The following NOX5 variants were observed in gnomAD, a reference collection of about 807,000 sequenced individuals.
NOX5 encodes NADPH oxidase, EF-hand calcium binding domain 5.
Under a neutral mutation model 85.7 loss-of-function variants are expected in NOX5, and 76 were observed. The ratio of observed to expected loss-of-function variants is 0.89; its 90% CI spans 0.74 to 1.07. The LOEUF is 1.07. Among genes scored for constraint, NOX5 ranks in the 50% least tolerant of loss-of-function variants. The pLI, the probability that NOX5 is intolerant of heterozygous loss-of-function variation, is 0.00. For missense variants in NOX5, 973 were observed against 999.5 expected, an observed-to-expected ratio of 0.97 and a Z score of 0.36; for synonymous variants, 405 against 401.4, an observed-to-expected ratio of 1.01 and a Z score of -0.11.
At chr15:69,030,972 C>T (rs2050421201) in intron 3 of NOX5, 3 of 153,170 alleles carry the variant, frequency 2.0e-5, no homozygotes, top group East Asian at 3.8e-4. Flanking sequence ...AATCATTAAT[C>T]ACGGGCTCTG....
intron 9 of NOX5, among the ~76,000 whole-genome samples, chr15:69,039,421 G>A (rs1192430675): frequency 2.0e-5 from 3 of 151,988 alleles, no homozygotes; most frequent in Admixed American, 2.0e-4. Flanking sequence ...AAGAAGGGAG[G>A]GACATACAGA....
chr15:69,052,694 A>G (rs550019996), intron 14 of NOX5, among the ~76,000 whole-genome samples: 1 of 152,348 alleles, frequency 6.6e-6, no homozygotes, highest in South Asian at 2.1e-4. Flanking sequence ...GTTTACTATA[A>G]CAAACATTCA....
chr15:69,025,140 T>C (rs1289520641), intron 1 of NOX5, among the ~76,000 whole-genome samples: 2 of 152,224 alleles, frequency 1.3e-5, no homozygotes, highest in African/African-American at 2.4e-5. Context: ...AATATTTTTG[T>C]CAAACGATCA....
chr15:69,037,036 T>C lies in NOX5; in HGVS notation c.1197T>C (p.Tyr399=), dbSNP rs1464518859. The C allele has an allele frequency of 3.1e-6, 5 of 1,608,108 alleles. No homozygotes were observed. Among genetic ancestry groups the C allele is most frequent in the Non-Finnish European group, 4.2e-6 (5 of 1,176,518 alleles). The change falls in exon 8 of 16, where the codon TAT becomes TAC. Residue 399 remains tyrosine (Y), a synonymous_variant. Coordinates refer to ENST00000388866, the MANE Select transcript of NOX5 (RefSeq NM_024505.4). ...CCCCCCTACCCCCATAGGTGTTCTA[T>C]TGGACTCACCTGTCCTACCTCCTCG... The part of the protein sequence containing the change: ...IRRSGHFEVF[Y]WTHLSYLLVW...
chr15:69,027,503 T>G (rs1428194613), intron 2 of NOX5, among the ~76,000 whole-genome samples: 1 of 152,074 alleles, frequency 6.6e-6, no homozygotes, highest in Non-Finnish European at 1.5e-5. Flanking sequence ...CCTCATAGTT[T>G]TATTAAGTCA....
In NOX5 at chr15:69,047,845, G is replaced by A. The variant is rs775063211; in HGVS notation, c.1833G>A (p.Lys611=). The A allele has an allele frequency of 2.5e-6, 4 of 1,614,044 alleles. No individual in the cohort carries two copies. Among genetic ancestry groups the A allele is most frequent in the Middle Eastern group, 1.7e-4 (1 of 6,060 alleles). ...CTCCCCTCAGGCACCAGAAAAGAAA[G>A]CATACTTGCCCCAGCTGCCAGCACT... ...QSIMYRHQKR[K]HTCPSCQHSW... is the part of the protein sequence containing the mutation. The change falls in exon 13 of 16, where the codon AAG becomes AAA. Residue 611 remains lysine (K), a synonymous_variant. Coordinates refer to ENST00000388866, the MANE Select transcript of NOX5 (RefSeq NM_024505.4).
chr15:69,053,020 T>G (rs537017004), intron 14 of NOX5, among the ~76,000 whole-genome samples: 4 of 152,366 alleles, frequency 2.6e-5, no homozygotes, highest in African/African-American at 9.6e-5. Context: ...TCAAAGCCAC[T>G]CGAGTCAACA....
At position 69,060,919 on chromosome 15, in the gene NOX5, C is replaced by G. The variant is rs1313422942; in HGVS notation, c.*4223C>G. ...CATCTGGTGAAAGGAGAAAAGTCAG[C>G]CAGCCATCCTGATGCGTTTTCTTGC... On this transcript the variant is annotated 3_prime_UTR_variant, in exon 16 of 16. Coordinates refer to ENST00000388866, the MANE Select transcript of NOX5 (RefSeq NM_024505.4). The G allele has an allele frequency of 6.6e-6, 1 of 152,206 alleles. No individual in the cohort carries two copies. The highest frequency in any genetic ancestry group is 1.5e-5 in the Non-Finnish European group (1 of 68,054). 9.4% of individuals were successfully genotyped at this position (152,206 alleles called of 1,614,324 possible). A position where few individuals can be genotyped will look rare whatever the true frequency, so the allele number is the denominator to read the frequency against.
Position 69,055,506 on chromosome 15 carries a change from G to A in NOX5, c.2166+6G>A. 3 of 1,612,640 alleles carry A rather than the reference G, an allele frequency of 1.9e-6. No individual in the cohort carries two copies. The highest frequency in any genetic ancestry group is 2.5e-6 in the Non-Finnish European group (3 of 1,179,262). On this transcript the variant is annotated splice_donor_region_variant and intron_variant, in intron 15 of 15. Coordinates refer to ENST00000388866, the MANE Select transcript of NOX5 (RefSeq NM_024505.4). Reference sequence around the variant, plus strand: ...GGCGGCCTGACTGGAGCAAGGTAATGCCAACTGGAGCCCTGCAGCTTGCAG... The same window carrying A: ...GGCGGCCTGACTGGAGCAAGGTAATACCAACTGGAGCCCTGCAGCTTGCAG...
Position 69,052,283 on chromosome 15 carries a change from C to T in NOX5, c.2000-3051C>T, listed in dbSNP as rs190750216. ...AACCTCTCCAACCTCTCCCTCCTCA[C>T]TGCCTAAGTGTTTGCTGTATTCTAC... On this transcript the variant is annotated intron_variant, in intron 14 of 15. Transcript: ENST00000388866. Among the ~76,000 whole-genome samples, 88 of 152,056 alleles carry T rather than the reference C, an allele frequency of 5.8e-4. 1 individual carries two copies. Among genetic ancestry groups the T allele is most frequent in the Admixed American group, 1.2e-3 (18 of 15,278 alleles).
At chr15:69,049,665 T>C (rs1012481976) in intron 14 of NOX5, among the ~76,000 whole-genome samples, 3 of 152,186 alleles carry the variant, frequency 2.0e-5, no homozygotes, top group Admixed American at 6.5e-5. Flanking sequence ...TGACATATCT[T>C]TTAATTCAGA....
intron 12 of NOX5, 92 bp from the exon 13 acceptor site, chr15:69,047,738 C>A: frequency 7.0e-7 from 1 of 1,428,316 alleles, no homozygotes; most frequent in Non-Finnish European, 9.8e-7. Flanking sequence ...GCTCTGCCAC[C>A]CCATCCTTGC....
At chr15:69,042,612 G>C in intron 9 of NOX5, 51 bp from the exon 10 acceptor site, 1 of 1,577,992 alleles carries the variant, frequency 6.3e-7, no homozygotes, top group Non-Finnish European at 8.6e-7. Flanking sequence ...CTTGCTCCCT[G>C]GTGCCGGTCA....
chr15:69,045,536 T>TTTTTTTTCTTTCTTTCTTTC (rs1555437204), intron 10 of NOX5, among the ~76,000 whole-genome samples: 1 of 94,470 alleles, frequency 1.1e-5, no homozygotes, highest in Non-Finnish European at 1.9e-5. Flanking sequence ...TTCCTTTCTT[T>TTTTTTTTCTTTCTTTCTTTC]TTTCTTTCTT....
chr15:69,026,455 C>A, intron 1 of NOX5, 73 bp from the exon 2 acceptor site: 2 of 1,600,724 alleles, frequency 1.2e-6, no homozygotes, highest in East Asian at 4.5e-5. Flanking sequence ...AGGCAGAGGC[C>A]CTGGGACCAC....
At chr15:69,027,961 A>G (rs376577180) in intron 2 of NOX5, among the ~76,000 whole-genome samples, 67 of 152,266 alleles carry the variant, frequency 4.4e-4, no homozygotes, top group African/African-American at 1.5e-3. Flanking sequence ...CAGAGAGCCC[A>G]TGCAAATTAC....
chr15:69,057,029 C>G lies in NOX5; in HGVS notation c.*333C>G, dbSNP rs537479558. 83 of 207,700 alleles carry G rather than the reference C, an allele frequency of 4.0e-4. No individual in the cohort carries two copies. The highest frequency in any genetic ancestry group is 7.6e-4 in the Non-Finnish European group (78 of 101,996). The allele number at this position is 207,700 out of a possible 1,614,324, so 12.9% of individuals were successfully genotyped here. On this transcript the variant is annotated 3_prime_UTR_variant, in exon 16 of 16. Transcript: ENST00000388866. Reference sequence around the variant, plus strand: ...CTCCTCCAAACATTTTCCGACGGAGCCTTCCCCCACATCCATGGTCCCAAA... The same window carrying G: ...CTCCTCCAAACATTTTCCGACGGAGGCTTCCCCCACATCCATGGTCCCAAA...
rs551223382 is a variant in NOX5 at position 69,055,611 on chromosome 15, C to G, written c.2166+111C>G. On this transcript the variant is annotated intron_variant, in intron 15 of 15. Transcript: ENST00000388866. The stretch of plus-strand genomic sequence containing the variant: ...TCAGGGGCAAAGTGTGAGGTTAAGT[C>G]CAGAGTCCAGAAGGGACCTCGTGGT... 97 of 1,234,652 alleles carry G rather than the reference C, an allele frequency of 7.9e-5. No homozygotes were observed. In the South Asian group the frequency reaches 1.3e-3, roughly 17 times the overall value. The allele number at this position is 1,234,652 out of a possible 1,614,324, so 76.5% of individuals were successfully genotyped here.
chr15:69,024,353 C>G (rs2050330449), intron 1 of NOX5, among the ~76,000 whole-genome samples: 1 of 152,028 alleles, frequency 6.6e-6, no homozygotes, highest in African/African-American at 2.4e-5. Flanking sequence ...CAAAAATACC[C>G]AATGAAAAAT....
Sources: gnomAD v4.1 joint callset for allele counts (sites outside exome capture counted in the v4.1 genomes callset) on GRCh38, gnomAD v4.1.1 for gene constraint, MANE v1.5 for transcripts, NCBI Gene and HGNC (gene_info 2026-07-23, HGNC 2026-07-21) for gene names.